The following MEOX1 variants were observed in gnomAD, a reference collection of about 807,000 sequenced individuals.
The protein encoded by MEOX1 is mesenchyme homeobox 1, also known as homeobox protein MOX-1.
Under a neutral mutation model 23.2 loss-of-function variants are expected in MEOX1, and 17 were observed. The ratio of observed to expected loss-of-function variants is 0.73; its 90% CI spans 0.50 to 1.10. The LOEUF (loss-of-function observed/expected upper bound fraction) is 1.10. Ranked by LOEUF, MEOX1 falls within the 50% of genes least tolerant of loss-of-function variation. The pLI, the probability that MEOX1 is intolerant of heterozygous loss-of-function variation, is 0.00. For synonymous variants in MEOX1, 134 were observed against 135.1 expected, an observed-to-expected ratio of 0.99 and a Z score of 0.06; for missense variants, 333 against 332.2, an observed-to-expected ratio of 1.00 and a Z score of -0.02.
At chr17:43,653,510 A>G in intron 1 of MEOX1, among the ~76,000 whole-genome samples, 1 of 120,872 alleles carries the variant, frequency 8.3e-6, no homozygotes, top group Non-Finnish European at 1.7e-5. Context: ...AACTGCCTCC[A>G]CTTTTTTTTT....
intron 1 of MEOX1, among the ~76,000 whole-genome samples, chr17:43,656,954 GCTTT>G (rs894494561): frequency 5.7e-4 from 87 of 151,664 alleles, no homozygotes; most frequent in African/African-American, 1.9e-3. Context: ...CAGGAACCCT[GCTTT>G]CTTTCTTTCT....
At chr17:43,650,820 C>G (rs1374702281) in intron 1 of MEOX1, among the ~76,000 whole-genome samples, 3 of 152,184 alleles carry the variant, frequency 2.0e-5, no homozygotes, top group Non-Finnish European at 4.4e-5. Context: ...CAGCCCGAGA[C>G]TGGTTGGATG....
At chr17:43,648,645 A>T (rs529147020) in intron 1 of MEOX1, among the ~76,000 whole-genome samples, 2 of 152,092 alleles carry the variant, frequency 1.3e-5, no homozygotes, top group South Asian at 4.2e-4. Context: ...CTGGTGTCAG[A>T]ATTCCTTCCT....
At chr17:43,650,747 C>T (rs909611245) in intron 1 of MEOX1, among the ~76,000 whole-genome samples, 2 of 152,192 alleles carry the variant, frequency 1.3e-5, no homozygotes, top group Non-Finnish European at 2.9e-5. Context: ...CGTAAGCTCT[C>T]CTACTTTCAG....
intron 1 of MEOX1, among the ~76,000 whole-genome samples, chr17:43,654,713 A>G (rs1169794667): frequency 6.6e-6 from 1 of 152,124 alleles, no homozygotes; most frequent in African/African-American, 2.4e-5. Context: ...TAATTACTAC[A>G]TAATATAGCA....
intron 1 of MEOX1, among the ~76,000 whole-genome samples, chr17:43,658,364 G>A (rs1257917293): frequency 2.6e-5 from 4 of 152,130 alleles, no homozygotes; most frequent in Admixed American, 6.5e-5. Flanking sequence ...AAAATTAGCC[G>A]GGAGAGGGGG....
rs1972681576 is a variant in MEOX1 at position 43,640,941 on chromosome 17, C to T, written c.*969G>A. On this transcript the variant is annotated 3_prime_UTR_variant, in exon 3 of 3. Coordinates refer to ENST00000318579, the MANE Select transcript of MEOX1 (RefSeq NM_004527.4). ...TCCACATCTCCAGGCCCTCACCCAG[C>T]AGCCCTCCTTATTATCTCCCCTCCC... The T allele has an allele frequency of 6.6e-6, 1 of 152,216 alleles. No homozygotes were observed. Among genetic ancestry groups the T allele is most frequent in the African/African-American group, 2.4e-5 (1 of 41,430 alleles). 9.4% of individuals were successfully genotyped at this position (152,216 alleles called of 1,614,324 possible).
At chr17:43,656,691 C>T (rs1161606530) in intron 1 of MEOX1, among the ~76,000 whole-genome samples, 1 of 152,126 alleles carries the variant, frequency 6.6e-6, no homozygotes, top group African/African-American at 2.4e-5. Flanking sequence ...CCCAGGCGGG[C>T]GATCGGATTC....
chr17:43,661,907 A>C lies in MEOX1; in HGVS notation c.-373T>G. 1.1e-5 allele frequency: 2 copies of C among 177,418 alleles called. No individual in the cohort carries two copies. The highest frequency in any genetic ancestry group is 2.4e-5 in the African/African-American group (1 of 42,528). 11.0% of individuals were successfully genotyped at this position (177,418 alleles called of 1,614,324 possible). On this transcript the variant is annotated 5_prime_UTR_variant, in exon 1 of 3. Transcript: ENST00000318579. ...GAGTTCGTCCTGGAGCCCAGAGCAA[A>C]TGCCTGCAGAGGGCTGGACCAGGGC...
At chr17:43,649,101 C>T (rs940786008) in intron 1 of MEOX1, among the ~76,000 whole-genome samples, 2 of 152,110 alleles carry the variant, frequency 1.3e-5, no homozygotes, top group Non-Finnish European at 2.9e-5. Context: ...AGCTGGATAG[C>T]GGGCGTTAAC....
At chr17:43,659,417 C>T (rs1222623715) in intron 1 of MEOX1, among the ~76,000 whole-genome samples, 4 of 152,100 alleles carry the variant, frequency 2.6e-5, no homozygotes, top group African/African-American at 4.8e-5. Context: ...GCTAGAGTTC[C>T]TATCTCCCAT....
intron 1 of MEOX1, among the ~76,000 whole-genome samples, chr17:43,647,030 C>T (rs1334467372): frequency 6.6e-6 from 1 of 152,182 alleles, no homozygotes; most frequent in Non-Finnish European, 1.5e-5. Flanking sequence ...ATATATTCTC[C>T]AATTTATCAG....
At chr17:43,645,344 T>C (rs1408593473) in intron 1 of MEOX1, among the ~76,000 whole-genome samples, 5 of 151,550 alleles carry the variant, frequency 3.3e-5, no homozygotes, top group African/African-American at 4.8e-5. Context: ...GCCCGGCAAA[T>C]TTTTTTGTAT....
intron 1 of MEOX1, among the ~76,000 whole-genome samples, chr17:43,650,417 G>A (rs542797576): frequency 3.6e-4 from 55 of 152,292 alleles, no homozygotes; most frequent in Admixed American, 4.6e-4. Flanking sequence ...CCATTAGGTA[G>A]GTAAGGTACA....
At chr17:43,647,762 G>T (rs1439874461) in intron 1 of MEOX1, among the ~76,000 whole-genome samples, 5 of 152,046 alleles carry the variant, frequency 3.3e-5, no homozygotes, top group Non-Finnish European at 7.4e-5. Context: ...GTCTCTTATT[G>T]CCCTGATTTA....
chr17:43,656,951 C>A (rs1281514029), intron 1 of MEOX1, among the ~76,000 whole-genome samples: 1 of 151,830 alleles, frequency 6.6e-6, no homozygotes, highest in Non-Finnish European at 1.5e-5. Context: ...GGCCAGGAAC[C>A]CTGCTTTCTT....
chr17:43,653,826 T>C (rs1400486556), intron 1 of MEOX1, among the ~76,000 whole-genome samples: 1 of 152,156 alleles, frequency 6.6e-6, no homozygotes, highest in Non-Finnish European at 1.5e-5. Flanking sequence ...CCACTTTTTA[T>C]GTCTGTACTT....
chr17:43,650,920 TC>T (rs1199151919), intron 1 of MEOX1, among the ~76,000 whole-genome samples: 2 of 152,092 alleles, frequency 1.3e-5, no homozygotes, highest in African/African-American at 4.8e-5. Context: ...CCTTTTCCTC[TC>T]CTGTAGGTGC....
intron 1 of MEOX1, among the ~76,000 whole-genome samples, chr17:43,646,973 GCAAAACTCCGTCT>G (rs1013732992): frequency 6.6e-6 from 1 of 152,194 alleles, no homozygotes; most frequent in Non-Finnish European, 1.5e-5. Context: ...GGCAACGAGA[GCAAAACTCCGTCT>G]CAAAAAAAAG....
Sources: gnomAD v4.1 joint callset for allele counts (sites outside exome capture counted in the v4.1 genomes callset) on GRCh38, gnomAD v4.1.1 for gene constraint, MANE v1.5 for transcripts, NCBI Gene and HGNC (gene_info 2026-07-23, HGNC 2026-07-21) for gene names.